The following NTM variants were observed in gnomAD, a reference collection of about 807,000 sequenced individuals.
NTM encodes the protein IgLON family member 2.
In NTM, 13 loss-of-function variants were observed where a neutral mutation model predicts 42.1. The observed-to-expected ratio is 0.31, with a 90% CI of 0.20 to 0.49. NTM has a LOEUF of 0.49. Ranked by LOEUF, NTM falls within the 20% of genes least tolerant of loss-of-function variation. The pLI is 0.99. For synonymous variants in NTM, 187 were observed against 179.2 expected, an observed-to-expected ratio of 1.04 and a Z score of -0.35; for missense variants, 373 against 452.8, an observed-to-expected ratio of 0.82 and a Z score of 1.60.
At chr11:131,595,046 C>T (rs2137326548) in intron 1 of NTM, among the ~76,000 whole-genome samples, 1 of 152,286 alleles carries the variant, frequency 6.6e-6, no homozygotes. Flanking sequence ...GAATGCTTAG[C>T]CCAGTGTCTA....
chr11:131,952,750 C>T (rs149636604), intron 2 of NTM, among the ~76,000 whole-genome samples: 28 of 152,178 alleles, frequency 1.8e-4, no homozygotes, highest in African/African-American at 6.5e-4. Context: ...TTTATTACTC[C>T]AACACAAAGA....
At chr11:131,999,200 C>T (rs2068704578) in intron 2 of NTM, among the ~76,000 whole-genome samples, 1 of 152,096 alleles carries the variant, frequency 6.6e-6, no homozygotes, top group Non-Finnish European at 1.5e-5. Flanking sequence ...TGTGCTACTC[C>T]TGTTTGTGTG....
intron 1 of NTM, chr11:131,795,308 C>A: frequency 2.8e-6 from 2 of 723,378 alleles, no homozygotes; most frequent in Non-Finnish European, 3.4e-6. Context: ...TGAGAGAATG[C>A]AGTGCCCAGG....
chr11:131,749,971 T>C (rs2082283475), intron 1 of NTM, among the ~76,000 whole-genome samples: 1 of 152,148 alleles, frequency 6.6e-6, no homozygotes. Context: ...TTTCTCGCAT[T>C]GGGCAGAGTT....
At chr11:131,438,090 A>T (rs918474796) in intron 1 of NTM, among the ~76,000 whole-genome samples, 1 of 152,152 alleles carries the variant, frequency 6.6e-6, no homozygotes, top group Non-Finnish European at 1.5e-5. Context: ...TCTTTTCTTT[A>T]AGAATGTTGA....
chr11:131,666,234 C>G (rs1469484146), intron 1 of NTM, among the ~76,000 whole-genome samples: 1 of 152,164 alleles, frequency 6.6e-6, no homozygotes, highest in Non-Finnish European at 1.5e-5. Context: ...CTCCTTTGCT[C>G]TCAGCCTTAC....
At chr11:131,757,380 C>T (rs1405916624) in intron 1 of NTM, among the ~76,000 whole-genome samples, 1 of 152,208 alleles carries the variant, frequency 6.6e-6, no homozygotes. Flanking sequence ...TGCATGGACT[C>T]CAACTGTCTA....
At chr11:131,988,377 C>G (rs1184260459) in intron 2 of NTM, among the ~76,000 whole-genome samples, 1 of 152,182 alleles carries the variant, frequency 6.6e-6, no homozygotes, top group African/African-American at 2.4e-5. Flanking sequence ...CAACGGATAT[C>G]CAACTCCATT....
intron 1 of NTM, among the ~76,000 whole-genome samples, chr11:131,845,273 T>G (rs890198362): frequency 6.6e-6 from 1 of 152,186 alleles, no homozygotes; most frequent in Non-Finnish European, 1.5e-5. Context: ...ATCTACTAAT[T>G]ACATCCAGAA....
At chr11:132,316,305 G>A (rs2095429082) in intron 7 of NTM, among the ~76,000 whole-genome samples, 1 of 152,186 alleles carries the variant, frequency 6.6e-6, no homozygotes, top group African/African-American at 2.4e-5. Context: ...GACAAGGAAA[G>A]CAGTGAAGTG....
At chr11:132,023,989 T>G (rs1381105478) in intron 2 of NTM, among the ~76,000 whole-genome samples, 1 of 151,966 alleles carries the variant, frequency 6.6e-6, no homozygotes, top group East Asian at 1.9e-4. Context: ...CAGCTAATTT[T>G]TTTGTATTTT....
intron 1 of NTM, among the ~76,000 whole-genome samples, chr11:131,658,997 T>G (rs1437625489): frequency 6.6e-6 from 1 of 152,080 alleles, no homozygotes; most frequent in Non-Finnish European, 1.5e-5. Context: ...ATGTAAGCAC[T>G]GAGAAGGCAG....
At chr11:131,924,140 C>G (rs565305703) in intron 2 of NTM, among the ~76,000 whole-genome samples, 3 of 152,220 alleles carry the variant, frequency 2.0e-5, no homozygotes, top group Admixed American at 6.5e-5. Context: ...GTGCAGGGCA[C>G]GGAGCTGGGG....
intron 1 of NTM, among the ~76,000 whole-genome samples, chr11:131,637,438 C>T (rs1302455226): frequency 6.6e-6 from 1 of 151,714 alleles, no homozygotes; most frequent in Non-Finnish European, 1.5e-5. Flanking sequence ...GTTCAAGGCC[C>T]ACCCACCTGT....
At chr11:131,990,879 C>G (rs1372466359) in intron 2 of NTM, among the ~76,000 whole-genome samples, 2 of 152,082 alleles carry the variant, frequency 1.3e-5, no homozygotes, top group Non-Finnish European at 2.9e-5. Context: ...AAAATAGTAT[C>G]TCATTTTGAC....
At chr11:132,292,267 G>A (rs2094472041) in intron 4 of NTM, among the ~76,000 whole-genome samples, 1 of 152,232 alleles carries the variant, frequency 6.6e-6, no homozygotes, top group Non-Finnish European at 1.5e-5. Flanking sequence ...ATTTCCCCAT[G>A]AGAGTTGCAG....
At chr11:131,726,218 A>G (rs2078951677) in intron 1 of NTM, among the ~76,000 whole-genome samples, 1 of 152,196 alleles carries the variant, frequency 6.6e-6, no homozygotes, top group Admixed American at 6.5e-5. Context: ...TTACACAGTT[A>G]TCTGCCTAGA....
intron 1 of NTM, among the ~76,000 whole-genome samples, chr11:131,516,019 A>G (rs1391579400): frequency 1.3e-5 from 2 of 152,230 alleles, no homozygotes; most frequent in Non-Finnish European, 2.9e-5. Flanking sequence ...CACTTTTCCA[A>G]TGAGCTAAAT....
chr11:131,601,545 A>G (rs948486921), intron 1 of NTM, among the ~76,000 whole-genome samples: 1 of 151,906 alleles, frequency 6.6e-6, no homozygotes, highest in East Asian at 1.9e-4. Context: ...TTGAAGAGGG[A>G]TTAGGGACTA....
Sources: allele counts gnomAD v4.1 joint callset (sites outside exome capture counted in the v4.1 genomes callset), GRCh38; gene constraint gnomAD v4.1.1; transcripts MANE v1.5; gene names NCBI Gene and HGNC (gene_info 2026-07-23, HGNC 2026-07-21).